HEG1: variants seen among roughly 807,000 people sequenced by gnomAD.
The protein encoded by HEG1 is protein HEG homolog 1.
Under a neutral mutation model 125.6 loss-of-function variants are expected in HEG1, and 56 were observed. That is an observed-to-expected ratio of 0.45 (90% CI 0.36 to 0.56). HEG1 has a LOEUF of 0.56. HEG1 is among the 20% of genes least tolerant of loss of function. The probability of loss-of-function intolerance (pLI) is 0.00; values close to 1 mark genes in which losing one functional copy is unlikely to be tolerated. For missense variants in HEG1, 1,523 were observed against 1,670.0 expected (o/e 0.91, Z 1.53); for synonymous variants, 644 against 668.5 (o/e 0.96, Z 0.57).
chr3:124,979,356 G>A (rs1467479372), intron 14 of HEG1, among the ~76,000 whole-genome samples: 1 of 152,114 alleles, frequency 6.6e-6, no homozygotes, highest in Non-Finnish European at 1.5e-5. Flanking sequence ...GATCAGTTAA[G>A]TCCAGAGTCT....
intron 1 of HEG1, among the ~76,000 whole-genome samples, chr3:125,032,946 C>T (rs1322135632): frequency 6.6e-6 from 1 of 152,222 alleles, no homozygotes; most frequent in Non-Finnish European, 1.5e-5. Flanking sequence ...GCTCAGGGAA[C>T]TCCAGTGCAG....
rs865985901 is a variant in HEG1, at chr3:125,055,961, G to A, written c.-71C>T. ...GGGCAGCGGGCAGCGGGCAGCGGGC[G>A]GCGGGGGCCGCGCGGGGCCGGGGAA... On this transcript the variant is annotated 5_prime_UTR_variant, in exon 1 of 17. Coordinates refer to ENST00000311127, the MANE Select transcript of HEG1 (RefSeq NM_020733.2). 5.4e-4 allele frequency: 93 copies of A among 171,192 alleles called. No individual in the cohort carries two copies. The highest frequency in any genetic ancestry group is 9.8e-4 in the South Asian group (4 of 4,074). 10.6% of individuals were successfully genotyped at this position (171,192 alleles called of 1,614,324 possible).
chr3:125,003,803 C>A (rs1937034089), intron 9 of HEG1, among the ~76,000 whole-genome samples: 1 of 152,224 alleles, frequency 6.6e-6, no homozygotes. Context: ...GGGACGACAG[C>A]TGGAAGCTCT....
chr3:125,027,157 TCTA>T (rs1937425893), intron 3 of HEG1, 45 bp downstream of exon 3: 1 of 1,473,636 alleles, frequency 6.8e-7, no homozygotes, highest in Admixed American at 2.3e-5. Context: ...TTGATTTATG[TCTA>T]CTTTGAGTGA....
Position 125,010,991 on chromosome 3 carries a change from G to A in HEG1, c.2957-436C>T, listed in dbSNP as rs145963104. Among the ~76,000 whole-genome samples, 7 of 152,310 alleles carry A rather than the reference G, an allele frequency of 4.6e-5. No homozygotes were observed. In the East Asian group the frequency reaches 1.2e-3, roughly 25 times the overall value. On this transcript the variant is annotated intron_variant, in intron 6 of 16. Transcript: ENST00000311127. ...CGTGTGTCTGTGTGTCTGTGCACAC[G>A]TGCCCTGCCCTTTCTCTTGGGCTTT...
intron 12 of HEG1, 63 bp from the exon 13 acceptor site, chr3:124,991,049 T>TCCC (rs1936825587): frequency 1.6e-6 from 2 of 1,289,814 alleles, no homozygotes; most frequent in Non-Finnish European, 2.2e-6. Flanking sequence ...CCCAGTTAAT[T>TCCC]AAACGCCAGC....
At chr3:125,014,894 G>A (rs534244485) in intron 5 of HEG1, 39 of 1,289,868 alleles carry the variant, frequency 3.0e-5, no homozygotes, top group East Asian at 2.2e-4. Flanking sequence ...TGCGTTCCCC[G>A]TTTCCAGTGA....
chr3:124,972,346 C>G (rs1440443965), intron 16 of HEG1, among the ~76,000 whole-genome samples: 2 of 152,150 alleles, frequency 1.3e-5, no homozygotes, highest in African/African-American at 4.8e-5. Flanking sequence ...AAAGGACTTT[C>G]CTGATAAACA....
chr3:125,055,309 G>A (rs960174256), intron 1 of HEG1, among the ~76,000 whole-genome samples: 2 of 152,110 alleles, frequency 1.3e-5, no homozygotes, highest in African/African-American at 4.8e-5. Flanking sequence ...TTAAAGTGGG[G>A]TGGAAGAGAT....
intron 1 of HEG1, among the ~76,000 whole-genome samples, chr3:125,037,938 C>T (rs1398552018): frequency 6.6e-6 from 1 of 152,220 alleles, no homozygotes; most frequent in African/African-American, 2.4e-5. Context: ...ATCTCCCTCA[C>T]TGGGTTGTTG....
At chr3:125,053,177 T>C (rs193252001) in intron 1 of HEG1, among the ~76,000 whole-genome samples, 2 of 152,132 alleles carry the variant, frequency 1.3e-5, no homozygotes, top group African/African-American at 4.8e-5. Flanking sequence ...GGGCAGACAT[T>C]TGCATGGGAC....
At chr3:125,037,957 A>C (rs540491985) in intron 1 of HEG1, among the ~76,000 whole-genome samples, 1 of 152,338 alleles carries the variant, frequency 6.6e-6, no homozygotes, top group Admixed American at 6.5e-5. Flanking sequence ...TGTGAAAACC[A>C]ATGGAATGTA....
chr3:124,990,082 C>A (rs146836078), intron 14 of HEG1, among the ~76,000 whole-genome samples: 2,564 of 152,226 alleles, frequency 0.017, 74 homozygotes, highest in African/African-American at 0.058. Context: ...TCCCCCCATA[C>A]CCGCCAGTCT....
At chr3:124,994,839 C>A (rs4475078) in intron 12 of HEG1, among the ~76,000 whole-genome samples, 51,136 of 152,066 alleles carry the variant, frequency 0.34, 9,327 homozygotes, top group South Asian at 0.42. Context: ...TGTTCCCTTG[C>A]AGGAAATTAT....
chr3:125,010,550 T>C lies in HEG1; in HGVS notation c.2962A>G (p.Ser988Gly). 1 of 1,549,522 alleles carries C rather than the reference T, an allele frequency of 6.5e-7. No homozygotes were observed. Among genetic ancestry groups the C allele is most frequent in the Non-Finnish European group, 8.7e-7 (1 of 1,144,416 alleles). The part of the protein sequence containing the change: ...TTVSSSASVN[S>G]CAVNPCLHNG... ...TGAAGACAAGGGTTCACAGCACAGC[T>C]GTTGACTACAAACACATTCCAGGAG... is the stretch of plus-strand genomic sequence containing the variant. Residue 988 changes from serine to glycine, a missense_variant, in exon 7 of 17, where the codon AGC becomes GGC. Transcript: ENST00000311127.
chr3:125,043,137 C>G (rs577374587), intron 1 of HEG1, among the ~76,000 whole-genome samples: 9 of 152,248 alleles, frequency 5.9e-5, no homozygotes, highest in Non-Finnish European at 1.3e-4. Context: ...CCCCTGCAAG[C>G]GCTCTAGCGA....
chr3:125,005,104 T>C (rs1937053598), intron 9 of HEG1, among the ~76,000 whole-genome samples, 161 bp downstream of exon 9: 2 of 152,208 alleles, frequency 1.3e-5, no homozygotes, highest in African/African-American at 4.8e-5. Flanking sequence ...CTCACTTCCA[T>C]TTCTGAAAGG....
chr3:125,014,771 G>A (rs1471507574), intron 5 of HEG1: 5 of 1,289,598 alleles, frequency 3.9e-6, no homozygotes, highest in East Asian at 5.5e-5. Context: ...CGTCCGTCAC[G>A]TTTACGTGCA....
At chr3:125,055,510 G>A in intron 1 of HEG1, 65 bp downstream of exon 1, 1 of 1,078,864 alleles carries the variant, frequency 9.3e-7, no homozygotes, top group Non-Finnish European at 1.1e-6. Context: ...TGGGGATGCA[G>A]CCCGGGGCGC....
Sources: gnomAD v4.1 joint callset for allele counts (sites outside exome capture counted in the v4.1 genomes callset) on GRCh38, gnomAD v4.1.1 for gene constraint, MANE v1.5 for transcripts, NCBI Gene and HGNC (gene_info 2026-07-23, HGNC 2026-07-21) for gene names.